IL1RAPL2: variants seen among roughly 807,000 people sequenced by gnomAD.
The protein encoded by IL1RAPL2 is X-linked interleukin-1 receptor accessory protein-like 2.
IL1RAPL2 carries 3 observed loss-of-function variants against 44.1 expected under a neutral mutation model. The ratio of observed to expected loss-of-function variants is 0.07; its 90% confidence interval spans 0.03 to 0.18. The LOEUF is 0.18. Among genes scored for constraint, IL1RAPL2 ranks in the 10% least tolerant of loss-of-function variants. The pLI is 1.00. For synonymous variants in IL1RAPL2, 181 were observed against 178.8 expected, an observed-to-expected ratio of 1.01 and a Z score of -0.10; for missense variants, 391 against 496.4, an observed-to-expected ratio of 0.79 and a Z score of 2.02.
At chrX:105,433,209 G>C (rs1364120975) in intron 5 of IL1RAPL2, among the ~76,000 whole-genome samples, 1 of 109,662 alleles carries the variant, frequency 9.1e-6, no homozygotes, top group Non-Finnish European at 1.9e-5. Flanking sequence ...TCCCGGAGTG[G>C]GAAAAAACCC....
At chrX:105,044,981 G>C (rs1294577293) in intron 2 of IL1RAPL2, among the ~76,000 whole-genome samples, 1 of 111,628 alleles carries the variant, frequency 9.0e-6, no homozygotes. Flanking sequence ...ATTGGAGCCA[G>C]AGGACAGATA....
intron 6 of IL1RAPL2, among the ~76,000 whole-genome samples, chrX:105,563,093 T>G (rs984257453): frequency 9.0e-6 from 1 of 111,507 alleles, no homozygotes; most frequent in African/African-American, 3.3e-5. Flanking sequence ...TCGTGGGAGA[T>G]CTCTCTGAGA....
At chrX:105,110,420 A>G (rs1009678931) in intron 2 of IL1RAPL2, among the ~76,000 whole-genome samples, 2 of 112,064 alleles carry the variant, frequency 1.8e-5, no homozygotes, top group East Asian at 2.8e-4. Flanking sequence ...TGTGAATACA[A>G]TAGCCACACA....
chrX:104,687,551 T>C (rs983750346), intron 2 of IL1RAPL2, among the ~76,000 whole-genome samples: 1 of 111,466 alleles, frequency 9.0e-6, no homozygotes, highest in East Asian at 2.8e-4. Context: ...ACATGAGATT[T>C]GGTGGGGACA....
At chrX:104,981,077 GTGTGTGTGTGTGTT>G (rs1003501220) in intron 2 of IL1RAPL2, among the ~76,000 whole-genome samples, 1 of 108,892 alleles carries the variant, frequency 9.2e-6, no homozygotes, top group Non-Finnish European at 1.9e-5. Context: ...GTGTGTGTGT[GTGTGTGTGTGTGTT>G]TGTGTGTGTG....
chrX:105,116,309 T>C, intron 2 of IL1RAPL2, among the ~76,000 whole-genome samples: 1 of 112,829 alleles, frequency 8.9e-6, no homozygotes, highest in African/African-American at 3.2e-5. Flanking sequence ...TGAACTTCCC[T>C]TGTTTGATCT....
chrX:104,841,209 C>T (rs1365632701), intron 2 of IL1RAPL2, among the ~76,000 whole-genome samples: 1 of 111,676 alleles, frequency 9.0e-6, no homozygotes, highest in East Asian at 2.8e-4. Context: ...GAGATTGCAA[C>T]CCCTGCTTCT....
chrX:105,435,227 GT>G (rs916690439), intron 5 of IL1RAPL2, among the ~76,000 whole-genome samples: 3 of 111,724 alleles, frequency 2.7e-5, no homozygotes, highest in Non-Finnish European at 5.6e-5. Context: ...ATTTAAAGTA[GT>G]TTTTTCTAAT....
At chrX:105,447,004 T>A (rs1183634875) in intron 5 of IL1RAPL2, among the ~76,000 whole-genome samples, 9 of 91,989 alleles carry the variant, frequency 9.8e-5, no homozygotes, top group Non-Finnish European at 1.9e-4. Flanking sequence ...CTTTACCTTT[T>A]ATTTGTCTGC....
chrX:104,719,019 G>C (rs1367940954), intron 2 of IL1RAPL2, among the ~76,000 whole-genome samples: 1 of 112,040 alleles, frequency 8.9e-6, no homozygotes, highest in Admixed American at 9.5e-5. Context: ...GCTTTAAATA[G>C]AGAGACTCCC....
At chrX:105,482,344 A>C (rs1239982566) in intron 5 of IL1RAPL2, among the ~76,000 whole-genome samples, 2 of 112,111 alleles carry the variant, frequency 1.8e-5, no homozygotes, top group East Asian at 5.6e-4. Context: ...TTTAAAAATC[A>C]GATTATTAAG....
chrX:105,075,907 A>T (rs1177040851), intron 2 of IL1RAPL2, among the ~76,000 whole-genome samples: 2 of 111,297 alleles, frequency 1.8e-5, no homozygotes, highest in Non-Finnish European at 1.9e-5. Flanking sequence ...GTCATTTTTC[A>T]TCGTGTCTAT....
rs146578973 is a variant in IL1RAPL2 at position 104,884,063 on chromosome X, G to A, written c.82+225068G>A. Among the ~76,000 whole-genome samples the A allele has an allele frequency of 1.5e-3, 164 of 109,865 alleles. 1 individual carries two copies. Among genetic ancestry groups the A allele is most frequent in the African/African-American group, 5.1e-3 (151 of 29,360 alleles). On this transcript the variant is annotated intron_variant, in intron 2 of 10. Transcript: ENST00000372582. ...TTTCGAGAATGCATCAGTAAGGGCC[G>A]CTAAATCCGATTTTTCTCAGTCCTC...
intron 5 of IL1RAPL2, among the ~76,000 whole-genome samples, chrX:105,280,524 T>C (rs1349333583): frequency 1.8e-5 from 2 of 111,322 alleles, no homozygotes; most frequent in Admixed American, 9.5e-5. Flanking sequence ...TTTTGCAATC[T>C]ATCCATCTGA....
At chrX:105,279,992 C>T (rs369137743) in intron 5 of IL1RAPL2, among the ~76,000 whole-genome samples, 1 of 112,175 alleles carries the variant, frequency 8.9e-6, no homozygotes, top group East Asian at 2.8e-4. Context: ...GTGAGAAGAA[C>T]AAAGCTGGAG....
chrX:104,828,576 G>A (rs1234437188), intron 2 of IL1RAPL2, among the ~76,000 whole-genome samples: 1 of 77,551 alleles, frequency 1.3e-5, no homozygotes, highest in Non-Finnish European at 2.4e-5. Context: ...CCCCTGTTGG[G>A]AAGTGTCTCA....
chrX:105,606,908 A>T (rs2037296656), intron 6 of IL1RAPL2, among the ~76,000 whole-genome samples: 1 of 111,168 alleles, frequency 9.0e-6, no homozygotes, highest in South Asian at 3.7e-4. Context: ...TATAAGGGAG[A>T]GCTGAATAGG....
At chrX:105,712,113 G>A (rs2038215818) in intron 6 of IL1RAPL2, among the ~76,000 whole-genome samples, 1 of 111,796 alleles carries the variant, frequency 8.9e-6, no homozygotes, top group Non-Finnish European at 1.9e-5. Context: ...CACTCCTACA[G>A]CCACACTAGG....
At chrX:105,180,691 A>G (rs1329264636) in intron 2 of IL1RAPL2, among the ~76,000 whole-genome samples, 1 of 111,721 alleles carries the variant, frequency 9.0e-6, no homozygotes, top group African/African-American at 3.3e-5. Flanking sequence ...TATAAATCCC[A>G]CTTGATCTCA....
Sources: gnomAD v4.1 joint callset for allele counts (sites outside exome capture counted in the v4.1 genomes callset) on GRCh38, gnomAD v4.1.1 for gene constraint, MANE v1.5 for transcripts, NCBI Gene and HGNC (gene_info 2026-07-23, HGNC 2026-07-21) for gene names.